ARHGAP33: variants seen among roughly 807,000 people sequenced by gnomAD.
ARHGAP33 encodes the protein Rho GTPase activating protein 33, also known as rho GTPase-activating protein 33.
ARHGAP33 carries 57 observed loss-of-function variants against 126.2 expected under a neutral mutation model. The observed-to-expected ratio is 0.45, with a 90% CI of 0.36 to 0.56. The LOEUF (loss-of-function observed/expected upper bound fraction) is 0.56. Ranked by LOEUF, ARHGAP33 falls within the 20% of genes least tolerant of loss-of-function variation. The pLI, the probability that ARHGAP33 is intolerant of heterozygous loss-of-function variation, is 0.00. For synonymous variants in ARHGAP33, 711 were observed against 755.0 expected (o/e 0.94, Z 0.95); for missense variants, 1,500 against 1,748.3 (o/e 0.86, Z 2.53).
chr19:35,786,688 T>C lies in ARHGAP33; in HGVS notation c.2218T>C (p.Phe740Leu), dbSNP rs973402660. The change falls in exon 20 of 21, where the codon TTT (phenylalanine) becomes CTT (leucine). Residue 740 changes from phenylalanine (F) to leucine (L), a missense_variant. Coordinates refer to ENST00000007510, the MANE Select transcript of ARHGAP33 (RefSeq NM_001366178.1). The surrounding 1 kb of genome is among the most constrained non-coding windows in gnomAD (Gnocchi z 7.0). ...RCLEGLRGLD[F>L]DPLTFRCSSP... is the part of the protein sequence containing the mutation. Reference sequence around the variant, plus strand: ...CCTGGAGGGACTCCGGGGGCTGGACTTTGATCCCTTAACCTTCCGCTGCAG... The same window carrying C: ...CCTGGAGGGACTCCGGGGGCTGGACCTTGATCCCTTAACCTTCCGCTGCAG... 1.3e-5 allele frequency: 20 copies of C among 1,535,490 alleles called. No homozygotes were observed. Among genetic ancestry groups the C allele is most frequent in the Non-Finnish European group, 1.7e-5 (19 of 1,146,714 alleles).
In ARHGAP33 at chr19:35,787,007, C is replaced by T. The variant is rs1472037934; in HGVS notation, c.2537C>T (p.Ala846Val). The change falls in exon 20 of 21, where the codon GCC (alanine) becomes GTC (valine). Residue 846 changes from alanine (A) to valine (V), a missense_variant. Transcript: ENST00000007510. ...CCCCTGCTGCTGCGAGGAGCCGAGG[C>T]CCCGCTGACTGACGCCTGCCAGCAG... The part of the protein sequence containing the change: ...LIPLLLRGAE[A>V]PLTDACQQEM... The T allele has an allele frequency of 1.9e-6, 3 of 1,609,310 alleles. No homozygotes were observed. Among genetic ancestry groups the T allele is most frequent in the African/African-American group, 2.7e-5 (2 of 74,754 alleles).
intron 6 of ARHGAP33, 44 bp downstream of exon 6, chr19:35,779,168 G>C (rs1439074363): frequency 1.4e-6 from 2 of 1,481,380 alleles, no homozygotes; most frequent in South Asian, 2.4e-5. Flanking sequence ...TGGGTGAGGG[G>C]GTGTCTGAGG....
At chr19:35,784,039 C>G (rs777921748) in intron 15 of ARHGAP33, 133 bp from the exon 16 acceptor site, 10 of 677,012 alleles carry the variant, frequency 1.5e-5, no homozygotes, top group African/African-American at 3.8e-5. Flanking sequence ...GAGAGCCCAG[C>G]GAGGCGTGAT....
In ARHGAP33 at chr19:35,788,097, G is replaced by T. The variant is rs1033972731; in HGVS notation, c.3532G>T (p.Gly1178Cys). The change falls in exon 21 of 21, where the codon GGT becomes TGT. Residue 1178 changes from glycine to cysteine, a missense_variant. Gly to Cys is a radical substitution (Grantham distance 159, BLOSUM62 -3). Around this residue, in one of 6 missense-constraint regions of ARHGAP33, gnomAD observed 642 missense variants for 634.0 expected, o/e 1.01. Coordinates refer to ENST00000007510, the MANE Select transcript of ARHGAP33 (RefSeq NM_001366178.1). ...LYVNLALGPR[G>C]PSPASSSSSS... ...CGTCAACCTAGCTCTAGGGCCCAGG[G>T]GTCCCTCACCTGCCTCTTCCTCCTC... The T allele has an allele frequency of 1.9e-6, 3 of 1,611,642 alleles. No homozygotes were observed. Among genetic ancestry groups the T allele is most frequent in the African/African-American group, 2.7e-5 (2 of 74,514 alleles).
chr19:35,778,843 C>G (rs1418603347), intron 5 of ARHGAP33, 189 bp from the exon 6 acceptor site: 1 of 771,518 alleles, frequency 1.3e-6, no homozygotes, highest in Non-Finnish European at 2.0e-6. Flanking sequence ...GTCATGCCAA[C>G]CAGGGTACTC....
Position 35,784,288 on chromosome 19 carries a change from C to G in ARHGAP33, c.1538C>G (p.Thr513Ser). 2.5e-6 allele frequency: 4 copies of G among 1,600,754 alleles called. No individual in the cohort carries two copies. Among genetic ancestry groups the G allele is most frequent in the Non-Finnish European group, 3.4e-6 (4 of 1,172,532 alleles). The stretch of plus-strand genomic sequence containing the variant: ...CATGTGGACGTCCTGTTCAGCGACA[C>G]CTTCACCTCCGCCGGCCTCGACCCT... ...LTHVDVLFSD[T>S]FTSAGLDPAG... The change falls in exon 16 of 21, where the codon ACC becomes AGC. Residue 513 changes from threonine (T) to serine (S), a missense_variant. Physicochemically the swap from Thr to Ser is moderately conservative, Grantham distance 58. Coordinates refer to ENST00000007510, the MANE Select transcript of ARHGAP33 (RefSeq NM_001366178.1).
In ARHGAP33 at chr19:35,786,994, C is replaced by T. The variant is rs1262638827; in HGVS notation, c.2524C>T (p.Arg842Ter). 2 of 1,608,974 alleles carry T rather than the reference C, an allele frequency of 1.2e-6. No homozygotes were observed. The highest frequency in any genetic ancestry group is 1.7e-6 in the Non-Finnish European group (2 of 1,178,212). The change falls in exon 20 of 21, where the codon CGA becomes TGA. Residue 842 changes from arginine (R) to a stop codon, truncating the protein, a stop_gained. Transcript: ENST00000007510. LOFTEE classifies it high-confidence loss of function. This position sits in a 1 kb window ranked among gnomAD's most constrained non-coding sequence, Gnocchi z 7.0. ...CCCCCATCTCATACCCCTGCTGCTG[C>T]GAGGAGCCGAGGCCCCGCTGACTGA... The part of the protein sequence containing the change: ...LRPHLIPLLL[R>*]GAEAPLTDAC...
rs780268327 is a variant in ARHGAP33 at position 35,782,868 on chromosome 19, C to T, written c.1420C>T (p.Arg474Trp). ...LAIVWAPNLL[R>W]SMELESVGMG... Reference sequence around the variant, plus strand: ...CATTGTCTGGGCACCCAACCTGCTACGGTGAGCTGCTTGCTCGCCTGCCTG... The same window carrying T: ...CATTGTCTGGGCACCCAACCTGCTATGGTGAGCTGCTTGCTCGCCTGCCTG... Residue 474 changes from arginine (R) to tryptophan (W), a missense_variant and splice_region_variant, in exon 15 of 21, where the codon CGG becomes TGG. Transcript: ENST00000007510. The surrounding 1 kb of genome is among the most constrained non-coding windows in gnomAD (Gnocchi z 4.1). 1.2e-5 allele frequency: 19 copies of T among 1,609,274 alleles called. No homozygotes were observed. The highest frequency in any genetic ancestry group is 8.9e-5 in the South Asian group (8 of 90,276).
In ARHGAP33 at chr19:35,778,175, C is replaced by A. The variant is rs548484472; in HGVS notation, c.190-105C>A. The A allele has an allele frequency of 1.5e-5, 18 of 1,209,958 alleles. 1 individual carries two copies. In the African/African-American group the frequency reaches 1.6e-4, roughly 11 times the overall value. 75.0% of individuals were successfully genotyped at this position (1,209,958 alleles called of 1,614,324 possible). ...CCAGGACATCACCAGGCCCTGTCCT[C>A]GGGGAGGTCCAGAAGGGAGTCACAA... On this transcript the variant is annotated intron_variant, in intron 3 of 20. Transcript: ENST00000007510.
rs141321338 is a variant in ARHGAP33, at chr19:35,787,055, G to A, written c.2585G>A (p.Gly862Glu). ...CQQEMCSKLR[G>E]AQGPLGPDME... is the part of the protein sequence containing the mutation. ...CAGGAGATGTGCAGCAAGCTCCGGG[G>A]AGCCCAGGGCCCACTCGGTGAGTCC... Residue 862 changes from glycine to glutamate, a missense_variant, in exon 20 of 21, where the codon GGA (glycine) becomes GAA (glutamate). Gly to Glu is a moderately conservative substitution (Grantham distance 98, BLOSUM62 -2). Transcript: ENST00000007510. 1.4e-3 allele frequency: 2,325 copies of A among 1,605,598 alleles called. 5 individuals carry two copies. The highest frequency in any genetic ancestry group is 1.8e-3 in the Non-Finnish European group (2,117 of 1,175,538).
At position 35,787,234 on chromosome 19, in the gene ARHGAP33, C is replaced by A. The variant is rs1250627772; in HGVS notation, c.2669C>A (p.Pro890His). The change falls in exon 21 of 21, where the codon CCC becomes CAC. Residue 890 changes from proline (P) to histidine (H), a missense_variant. Pro to His is a moderately conservative substitution (Grantham distance 77, BLOSUM62 -2). Transcript: ENST00000007510. ...LSLLRPGGAP[P>H]PPPKNPARLM... ...CTCCTGCGCCCTGGGGGTGCCCCAC[C>A]CCCGCCCCCTAAGAACCCAGCACGC... 1.2e-6 allele frequency: 2 copies of A among 1,610,062 alleles called. No homozygotes were observed. Among genetic ancestry groups the A allele is most frequent in the Non-Finnish European group, 1.7e-6 (2 of 1,178,518 alleles).
rs142070691 is a variant in ARHGAP33 at position 35,778,327 on chromosome 19, T to C, written c.237T>C (p.Asn79=). Residue 79 remains asparagine, a synonymous_variant, in exon 4 of 21, where the codon AAT becomes AAC. Transcript: ENST00000007510. ...AAGGGCCCAGCCTCTCTGGAGAGAA[T>C]GAGCTGGTGTTCGGGGTGCAGGTGA... ...DREGPSLSGE[N]ELVFGVQVTC... The C allele has an allele frequency of 3.0e-5, 49 of 1,613,514 alleles. No homozygotes were observed. The highest frequency in any genetic ancestry group is 6.7e-5 in the East Asian group (3 of 44,868).
In ARHGAP33 at chr19:35,779,012, C is replaced by A; in HGVS notation, c.409-20C>A. On this transcript the variant is annotated intron_variant, in intron 5 of 20. Coordinates refer to ENST00000007510, the MANE Select transcript of ARHGAP33 (RefSeq NM_001366178.1). ...TCTCACGTCCACTCACAGAGGCCCA[C>A]TCTGACAACCTGCCCCCAGATGCTG... 2.6e-6 allele frequency: 4 copies of A among 1,548,062 alleles called. No homozygotes were observed. The highest frequency in any genetic ancestry group is 3.5e-6 in the Non-Finnish European group (4 of 1,145,352).
Position 35,776,607 on chromosome 19 carries a change from G to A in ARHGAP33, c.6+943G>A, listed in dbSNP as rs576026978. On this transcript the variant is annotated intron_variant, in intron 1 of 20. Transcript: ENST00000007510. ...TCAGATTTTACCCAGTCCCTGCTGC[G>A]CGCGACTGGGCTGGCACTGGGGACC... is the stretch of plus-strand genomic sequence containing the variant. 2.2e-4 allele frequency among the ~76,000 whole-genome samples: 34 copies of A among 152,302 alleles called. No individual in the cohort carries two copies. The South Asian group carries it at 6.6e-3, about 30-fold the overall frequency.
rs751022830 is a variant in ARHGAP33, at chr19:35,780,626, G to A, written c.747G>A (p.Arg249=). Residue 249 remains arginine (R), a synonymous_variant, in exon 9 of 21, where the codon CGG becomes CGA. Transcript: ENST00000007510. ...PSECVELFTE[R]PGPGLKADAD... ...AGTGTGTGGAACTCTTCACAGAGCG[G>A]CCAGGTCCGGGCCTGAAGGCGGGTA... 6.5e-7 allele frequency: 1 copy of A among 1,536,188 alleles called. No homozygotes were observed. The highest frequency in any genetic ancestry group is 1.7e-5 in the Admixed American group (1 of 57,316).
Position 35,787,974 on chromosome 19 carries a change from A to G in ARHGAP33, c.3409A>G (p.Ser1137Gly). 1.9e-6 allele frequency: 2 copies of G among 1,066,098 alleles called. No individual in the cohort carries two copies. Among genetic ancestry groups the G allele is most frequent in the Non-Finnish European group, 2.5e-6 (2 of 796,906 alleles). 66.0% of individuals were successfully genotyped at this position (1,066,098 alleles called of 1,614,324 possible). ...PLHRSPDFLL[S>G]YPPAPSCFPP... is the part of the protein sequence containing the mutation. Reference sequence around the variant, plus strand: ...CCACAGGTCCCCCGACTTCCTGCTCAGCTACCCGCCAGCCCCCTCCTGCTT... The same window carrying G: ...CCACAGGTCCCCCGACTTCCTGCTCGGCTACCCGCCAGCCCCCTCCTGCTT... Residue 1137 changes from serine (S) to glycine (G), a missense_variant, in exon 21 of 21, where the codon AGC becomes GGC. This residue lies in a region of ARHGAP33 where 642 missense variants were observed against 634.0 expected (regional missense o/e 1.01). Transcript: ENST00000007510.
chr19:35,785,882 GGT>G, intron 19 of ARHGAP33: 1 of 1,126,480 alleles, frequency 8.9e-7, no homozygotes, highest in Non-Finnish European at 1.1e-6. Flanking sequence ...ATCATACACA[GGT>G]GTGTGTGTAA....
chr19:35,788,651 G>C lies in ARHGAP33; in HGVS notation c.*222G>C, dbSNP rs781414351. The stretch of plus-strand genomic sequence containing the variant: ...ACCACCCTCCATCCTGGGGGCCCTC[G>C]CACAAATCTGGGGTGGGAGGGGCTA... On this transcript the variant is annotated 3_prime_UTR_variant, in exon 21 of 21. Coordinates refer to ENST00000007510, the MANE Select transcript of ARHGAP33 (RefSeq NM_001366178.1). 6 of 507,742 alleles carry C rather than the reference G, an allele frequency of 1.2e-5. No homozygotes were observed. Among genetic ancestry groups the C allele is most frequent in the African/African-American group, 2.0e-5 (1 of 49,536 alleles). The allele number at this position is 507,742 out of a possible 1,614,324, so 31.5% of individuals were successfully genotyped here.
chr19:35,787,567 C>A lies in ARHGAP33; in HGVS notation c.3002C>A (p.Ala1001Asp). 6.2e-7 allele frequency: 1 copy of A among 1,611,600 alleles called. No individual in the cohort carries two copies. Among genetic ancestry groups the A allele is most frequent in the South Asian group, 1.1e-5 (1 of 91,060 alleles). The change falls in exon 21 of 21, where the codon GCC becomes GAC. Residue 1001 changes from alanine to aspartate, a missense_variant. By Grantham distance (126) the Ala-to-Asp change is moderately radical. This residue lies in a region of ARHGAP33 where 642 missense variants were observed against 634.0 expected (regional missense o/e 1.01). Coordinates refer to ENST00000007510, the MANE Select transcript of ARHGAP33 (RefSeq NM_001366178.1). ...CTCCGAGGCCCTGCCCAGGTCAGTG[C>A]CCAGCTCAGGGCAGGTGGCGGGGGC... ...RGLRGPAQVS[A>D]QLRAGGGGRD... is the part of the protein sequence containing the mutation.
Sources: allele counts gnomAD v4.1 joint callset (sites outside exome capture counted in the v4.1 genomes callset), GRCh38; gene constraint gnomAD v4.1.1; regional missense constraint gnomAD v4.1.1; non-coding constraint Gnocchi (gnomAD v3.1); transcripts MANE v1.5; gene names NCBI Gene and HGNC (gene_info 2026-07-23, HGNC 2026-07-21).